Variants in CSMD1 observed in about 807,000 individuals in gnomAD.
The protein encoded by CSMD1 is CUB and Sushi multiple domains 1.
A neutral mutation model predicts 417.5 loss-of-function variants in CSMD1; 213 were observed. The observed-to-expected ratio is 0.51, with a 90% confidence interval of 0.46 to 0.57. The LOEUF (loss-of-function observed/expected upper bound fraction) is 0.57. Among genes scored for constraint, CSMD1 ranks in the 20% least tolerant of loss-of-function variants. The probability of loss-of-function intolerance (pLI) is 0.00; values close to 1 mark genes in which losing one functional copy is unlikely to be tolerated. For synonymous variants in CSMD1, 2,862 were observed against 1,736.8 expected, an observed-to-expected ratio of 1.65 and a Z score of -16.11; for missense variants, 6,923 against 4,529.7, an observed-to-expected ratio of 1.53 and a Z score of -15.17.
chr8:4,312,079 G>C (rs890482472), intron 3 of CSMD1, among the ~76,000 whole-genome samples: 2 of 152,050 alleles, frequency 1.3e-5, no homozygotes, highest in African/African-American at 4.8e-5. Flanking sequence ...CGTAGAATGT[G>C]TGTCAATTTC....
chr8:3,354,755 A>C (rs1032131120), intron 21 of CSMD1, among the ~76,000 whole-genome samples: 1 of 150,558 alleles, frequency 6.6e-6, no homozygotes, highest in African/African-American at 2.5e-5. Context: ...TTAAATAACT[A>C]CATAGAATTA....
At chr8:3,239,887 G>C (rs1229383641) in intron 26 of CSMD1, among the ~76,000 whole-genome samples, 1 of 152,022 alleles carries the variant, frequency 6.6e-6, no homozygotes, top group Non-Finnish European at 1.5e-5. Flanking sequence ...GTGGGAGGCT[G>C]GATTGAAGTC....
intron 3 of CSMD1, among the ~76,000 whole-genome samples, chr8:4,394,827 T>C (rs911289118): frequency 6.6e-6 from 1 of 152,202 alleles, no homozygotes; most frequent in Non-Finnish European, 1.5e-5. Context: ...TTCTGGATTT[T>C]TTCATGGTCC....
intron 10 of CSMD1, among the ~76,000 whole-genome samples, chr8:3,520,098 C>T (rs1348355430): frequency 6.7e-6 from 1 of 149,916 alleles, no homozygotes; most frequent in Non-Finnish European, 1.5e-5. Context: ...ATCATTTATG[C>T]TTCTTAAACA....
Position 2,949,395 on chromosome 8 carries a change from T to TGGGAA in CSMD1, c.10315-10_10315-9insTTCCC. The TGGGAA allele has an allele frequency of 1.4e-6, 1 of 729,268 alleles. No individual in the cohort carries two copies. Among genetic ancestry groups the TGGGAA allele is most frequent in the Non-Finnish European group, 2.0e-6 (1 of 496,556 alleles). The allele number at this position is 729,268 out of a possible 1,614,324, so 45.2% of individuals were successfully genotyped here. On this transcript the variant is annotated splice_polypyrimidine_tract_variant and intron_variant, in intron 67 of 69. Coordinates refer to ENST00000635120, the MANE Select transcript of CSMD1 (RefSeq NM_033225.6). The stretch of plus-strand genomic sequence containing the variant: ...TCAAGTCCAGATGACACCTGACACA[T>TGGGAA]AGGAAAGAAAAGAAAAGAAATAAAA...
At chr8:4,778,263 G>A (rs1325098476) in intron 1 of CSMD1, among the ~76,000 whole-genome samples, 1 of 152,072 alleles carries the variant, frequency 6.6e-6, no homozygotes, top group Admixed American at 6.6e-5. Flanking sequence ...AGCAAACTGT[G>A]GCACATGGGC....
rs1330419336 is a variant in CSMD1 at position 3,666,596 on chromosome 8, T to A, written c.1009+41818A>T. 2.6e-5 allele frequency among the ~76,000 whole-genome samples: 4 copies of A among 152,234 alleles called. No homozygotes were observed. The South Asian group carries it at 8.3e-4, about 32-fold the overall frequency. Reference sequence around the variant, plus strand: ...ATCTCATCTTGAATTGTAGCTCCCATAACTCCCATGTGTTGTGAGAGGGAC... The same window carrying A: ...ATCTCATCTTGAATTGTAGCTCCCAAAACTCCCATGTGTTGTGAGAGGGAC... On this transcript the variant is annotated intron_variant, in intron 7 of 69. Transcript: ENST00000635120.
At chr8:3,101,026 C>CTCCTTAATGT (rs1815696602) in intron 46 of CSMD1, among the ~76,000 whole-genome samples, 1 of 149,650 alleles carries the variant, frequency 6.7e-6, no homozygotes, top group South Asian at 2.1e-4. Flanking sequence ...GTCACTGAAT[C>CTCCTTAATGT]TCCTTAATGT....
At chr8:3,756,218 TGGCG>T (rs1242494320) in intron 5 of CSMD1, among the ~76,000 whole-genome samples, 1 of 151,892 alleles carries the variant, frequency 6.6e-6, no homozygotes. Context: ...CCGGGCATGG[TGGCG>T]GGCGCCTGTA....
chr8:4,532,586 T>C (rs184331657), intron 2 of CSMD1, among the ~76,000 whole-genome samples: 2 of 126,280 alleles, frequency 1.6e-5, no homozygotes, highest in African/African-American at 6.2e-5. Flanking sequence ...CCCCATTCAG[T>C]CACTCTGGAA....
At chr8:3,721,465 A>G (rs1802171278) in intron 6 of CSMD1, among the ~76,000 whole-genome samples, 1 of 152,184 alleles carries the variant, frequency 6.6e-6, no homozygotes, top group Non-Finnish European at 1.5e-5. Context: ...GACTGAGTCC[A>G]TTAGTTTAAC....
chr8:4,142,240 T>G (rs1416907180), intron 3 of CSMD1, among the ~76,000 whole-genome samples: 1 of 151,156 alleles, frequency 6.6e-6, no homozygotes, highest in East Asian at 1.9e-4. Context: ...GATACTTAAT[T>G]TACTAATACA....
chr8:4,160,179 A>G (rs1257043440), intron 3 of CSMD1, among the ~76,000 whole-genome samples: 1 of 152,154 alleles, frequency 6.6e-6, no homozygotes, highest in Non-Finnish European at 1.5e-5. Context: ...ACTAAGACTT[A>G]AGGGGAAGTA....
intron 20 of CSMD1, among the ~76,000 whole-genome samples, chr8:3,365,306 A>AT (rs1398686812): frequency 6.6e-6 from 1 of 152,238 alleles, no homozygotes; most frequent in Admixed American, 6.5e-5. Flanking sequence ...ACAAAGTCAG[A>AT]TTAAGATAAA....
chr8:3,537,064 C>T (rs1315671854), intron 10 of CSMD1, among the ~76,000 whole-genome samples: 2 of 151,942 alleles, frequency 1.3e-5, no homozygotes, highest in African/African-American at 2.4e-5. Context: ...AGTGCAGTGG[C>T]ACTATCTCAG....
At chr8:3,389,276 A>G (rs564595571) in intron 17 of CSMD1, among the ~76,000 whole-genome samples, 1 of 151,886 alleles carries the variant, frequency 6.6e-6, no homozygotes, top group African/African-American at 2.4e-5. Flanking sequence ...GCTACCCTCA[A>G]CCCTCTGATA....
intron 22 of CSMD1, among the ~76,000 whole-genome samples, chr8:3,343,981 T>A (rs1315986187): frequency 1.3e-5 from 2 of 152,164 alleles, no homozygotes; most frequent in Admixed American, 1.3e-4. Context: ...ATCTTGAATT[T>A]GAAATAACAG....
At chr8:3,762,892 G>C (rs1798088575) in intron 5 of CSMD1, among the ~76,000 whole-genome samples, 1 of 152,178 alleles carries the variant, frequency 6.6e-6, no homozygotes, top group South Asian at 2.1e-4. Flanking sequence ...GATGAGAGCT[G>C]CTACTGAATA....
Position 3,412,035 on chromosome 8 carries a change from C to CGT in CSMD1, c.1562-2431_1562-2430insAC, listed in dbSNP as rs1183131725. On this transcript the variant is annotated intron_variant, in intron 12 of 69. Coordinates refer to ENST00000635120, the MANE Select transcript of CSMD1 (RefSeq NM_033225.6). Reference sequence around the variant, plus strand: ...ATATACATATACACACGTATATATACACATATATACACGTATATATACACA... The same window carrying CGT: ...ATATACATATACACACGTATATATACGTACATATATACACGTATATATACACA... Among the ~76,000 whole-genome samples the CGT allele has an allele frequency of 1.4e-4, 3 of 21,044 alleles. 1 individual carries two copies. Among genetic ancestry groups the CGT allele is most frequent in the Admixed American group, 6.1e-4 (1 of 1,644 alleles). 13.8% of individuals were successfully genotyped at this position (21,044 alleles called of 152,430 possible).
Sources: allele counts gnomAD v4.1 joint callset (sites outside exome capture counted in the v4.1 genomes callset), GRCh38; gene constraint gnomAD v4.1.1; transcripts MANE v1.5; gene names NCBI Gene and HGNC (gene_info 2026-07-23, HGNC 2026-07-21).